VPS16: variants seen among roughly 807,000 people sequenced by gnomAD.
The protein encoded by VPS16 is vacuolar protein sorting-associated protein 16 homolog.
In VPS16, 82 loss-of-function variants were observed where a neutral mutation model predicts 116.0. The observed-to-expected ratio is 0.71, with a 90% CI of 0.59 to 0.85. The LOEUF is 0.85. Among genes scored for constraint, VPS16 ranks in the 40% least tolerant of loss-of-function variants. The probability of loss-of-function intolerance (pLI) is 0.00; values close to 1 mark genes in which losing one functional copy is unlikely to be tolerated. For missense variants in VPS16, 928 were observed against 1,090.6 expected (o/e 0.85, Z 2.10); for synonymous variants, 406 against 420.7 (o/e 0.96, Z 0.43).
chr20:2,850,949 G>A (rs890576113), intron 1 of VPS16, among the ~76,000 whole-genome samples: 7 of 130,836 alleles, frequency 5.4e-5, no homozygotes, highest in African/African-American at 1.8e-4. Context: ...GTAGCTGGGC[G>A]ATAGAGTAAG....
Position 2,840,750 on chromosome 20 carries a change from T to A in VPS16, c.-25T>A. On this transcript the variant is annotated 5_prime_UTR_variant, in exon 1 of 24. Transcript: ENST00000380445. The stretch of plus-strand genomic sequence containing the variant: ...CTCTAGGTGGGTGTCCCCTCGGTGC[T>A]TCCCAGCTGCCGTCTGCACCAGCCA... 9 of 1,547,790 alleles carry A rather than the reference T, an allele frequency of 5.8e-6. No homozygotes were observed. Among genetic ancestry groups the A allele is most frequent in the Non-Finnish European group, 7.9e-6 (9 of 1,146,358 alleles).
At chr20:2,856,921 T>C (rs1374529642) in intron 1 of VPS16, among the ~76,000 whole-genome samples, 1 of 152,184 alleles carries the variant, frequency 6.6e-6, no homozygotes, top group African/African-American at 2.4e-5. Flanking sequence ...TATTTTGTGG[T>C]ATTTCCTCTT....
intron 1 of VPS16, among the ~76,000 whole-genome samples, chr20:2,848,206 A>G (rs1004206838): frequency 6.6e-6 from 1 of 151,932 alleles, no homozygotes; most frequent in Non-Finnish European, 1.5e-5. Context: ...GCCTGCATTC[A>G]CTCACCACAA....
chr20:2,844,571 C>T (rs2089040021), intron 1 of VPS16, among the ~76,000 whole-genome samples: 1 of 152,198 alleles, frequency 6.6e-6, no homozygotes, highest in Admixed American at 6.5e-5. Context: ...AGCTTACAGC[C>T]AGCAGGCGAG....
At chr20:2,861,375 G>A in intron 8 of VPS16, 95 bp downstream of exon 8, 1 of 1,578,370 alleles carries the variant, frequency 6.3e-7, no homozygotes. Flanking sequence ...TACTGGCCAA[G>A]CCTAGTGGAG....
In VPS16 at chr20:2,864,860, A is replaced by T; in HGVS notation, c.1927-118A>T. On this transcript the variant is annotated intron_variant, in intron 19 of 23. Coordinates refer to ENST00000380445, the MANE Select transcript of VPS16 (RefSeq NM_022575.4). The surrounding 1 kb of genome is among the most constrained non-coding windows in gnomAD (Gnocchi z 5.2). The stretch of plus-strand genomic sequence containing the variant: ...AGGACATCAGAGTGGTGCACCTAGC[A>T]GGCAAGGCTGACCCTGGCGACCCTG... The T allele has an allele frequency of 1.5e-6, 2 of 1,368,094 alleles. No individual in the cohort carries two copies. The highest frequency in any genetic ancestry group is 4.7e-5 in the East Asian group (2 of 42,876). 84.7% of individuals were successfully genotyped at this position (1,368,094 alleles called of 1,614,324 possible).
At chr20:2,844,822 G>A (rs2089041983) in intron 1 of VPS16, among the ~76,000 whole-genome samples, 1 of 152,140 alleles carries the variant, frequency 6.6e-6, no homozygotes, top group East Asian at 1.9e-4. Context: ...CATGCACAGT[G>A]ACCTAAAGAG....
intron 1 of VPS16, among the ~76,000 whole-genome samples, chr20:2,847,821 A>G (rs1599976325): frequency 6.6e-6 from 1 of 151,776 alleles, no homozygotes; most frequent in East Asian, 1.9e-4. Flanking sequence ...CCGATACTCT[A>G]ATACCTCCCC....
At chr20:2,841,233 G>A (rs2088969418) in intron 1 of VPS16, 1 of 224,448 alleles carries the variant, frequency 4.5e-6, no homozygotes, top group Non-Finnish European at 8.9e-6. Context: ...GCTGGGAAAA[G>A]GGGGCGAGTC....
At chr20:2,852,516 A>G (rs1241437214) in intron 1 of VPS16, among the ~76,000 whole-genome samples, 2 of 152,280 alleles carry the variant, frequency 1.3e-5, no homozygotes, top group African/African-American at 4.8e-5. Flanking sequence ...TATGGGTTGT[A>G]AATTCAAATA....
rs1293228252 is a variant in VPS16 at position 2,864,093 on chromosome 20, C to T, written c.1611+10C>T. The T allele has an allele frequency of 1.2e-6, 2 of 1,613,480 alleles. No homozygotes were observed. The highest frequency in any genetic ancestry group is 1.7e-6 in the Non-Finnish European group (2 of 1,179,604). On this transcript the variant is annotated intron_variant, in intron 16 of 23. Transcript: ENST00000380445. This position sits in a 1 kb window ranked among gnomAD's most constrained non-coding sequence, Gnocchi z 5.2. ...GGAGCTGGCCATCAAGGTGTGGGTG[C>T]CCAGCCCTCCACAGACACTCTGATG...
Position 2,860,823 on chromosome 20 carries a change from C to T in VPS16, c.590C>T (p.Pro197Leu), listed in dbSNP as rs1157872555. The T allele has an allele frequency of 6.2e-7, 1 of 1,614,140 alleles. No individual in the cohort carries two copies. The highest frequency in any genetic ancestry group is 8.5e-7 in the Non-Finnish European group (1 of 1,180,044). ...GCACACATTCTTCTGGCTGTGGGGC[C>T]TGACCTTTACCTCTTGGACCATGCA... ...RVAHILLAVGPDLYLLDHAAC... is the reference protein window; with the variant it reads ...RVAHILLAVGLDLYLLDHAAC... The change falls in exon 6 of 24, where the codon CCT (proline) becomes CTT (leucine). Residue 197 changes from proline (P) to leucine (L), a missense_variant. Coordinates refer to ENST00000380445, the MANE Select transcript of VPS16 (RefSeq NM_022575.4). This position sits in a 1 kb window ranked among gnomAD's most constrained non-coding sequence, Gnocchi z 6.1.
chr20:2,853,282 AG>A, intron 1 of VPS16, among the ~76,000 whole-genome samples: 1 of 152,194 alleles, frequency 6.6e-6, no homozygotes, highest in Middle Eastern at 3.4e-3. Context: ...TCCCAGCTAC[AG>A]GAAGCCTAGG....
chr20:2,857,235 C>A (rs542683024), intron 1 of VPS16, among the ~76,000 whole-genome samples: 4 of 152,274 alleles, frequency 2.6e-5, no homozygotes, highest in Admixed American at 6.5e-5. Context: ...CCTTGGCCTC[C>A]GAAAGTGCTG....
Position 2,863,191 on chromosome 20 carries a change from T to A in VPS16, c.1367+91T>A. On this transcript the variant is annotated intron_variant, in intron 14 of 23. Transcript: ENST00000380445. The surrounding 1 kb of genome is among the most constrained non-coding windows in gnomAD (Gnocchi z 4.4). ...GGTCTTATGGTCACTGCTCCTGACC[T>A]ATCTAGGATGTGGGAGGCCTGATGT... is the stretch of plus-strand genomic sequence containing the variant. 1 of 1,609,928 alleles carries A rather than the reference T, an allele frequency of 6.2e-7. No homozygotes were observed. Among genetic ancestry groups the A allele is most frequent in the Admixed American group, 1.7e-5 (1 of 59,954 alleles).
chr20:2,854,265 A>ACACACACACACACACACACAC (rs375390884), intron 1 of VPS16, among the ~76,000 whole-genome samples: 22 of 148,988 alleles, frequency 1.5e-4, no homozygotes, highest in African/African-American at 2.3e-4. Flanking sequence ...ACACACACAC[A>ACACACACACACACACACACAC]AATTTTTTAG....
At chr20:2,842,648 A>ATGTATCTATC in intron 1 of VPS16, among the ~76,000 whole-genome samples, 6 of 146,022 alleles carry the variant, frequency 4.1e-5, no homozygotes, top group African/African-American at 1.0e-4. Flanking sequence ...AGATAGATAG[A>ATGTATCTATC]TATAGATAGA....
intron 13 of VPS16, 40 bp downstream of exon 13, chr20:2,862,974 G>A (rs930144339): frequency 1.9e-6 from 3 of 1,613,660 alleles, no homozygotes; most frequent in African/African-American, 2.7e-5. Context: ...TACAGCCAGG[G>A]GTGGCAGGGG....
At position 2,861,615 on chromosome 20, in the gene VPS16, G is replaced by T; in HGVS notation, c.810G>T (p.Trp270Cys). The change falls in exon 9 of 24, where the codon TGG becomes TGT. Residue 270 changes from tryptophan (W) to cysteine (C), a missense_variant and splice_region_variant. Transcript: ENST00000380445. ...GCCAGTGTGTATATGCTGCTCACAG[G>T]TGCAGCCGTCCTCGTAGCAAGGAGA... is the stretch of plus-strand genomic sequence containing the variant. Reference protein sequence around the residue: ...NIRAPPKQMVWCSRPRSKERA... With the variant: ...NIRAPPKQMVCCSRPRSKERA... 6.2e-7 allele frequency: 1 copy of T among 1,609,134 alleles called. No homozygotes were observed. Among genetic ancestry groups the T allele is most frequent in the African/African-American group, 1.3e-5 (1 of 74,996 alleles).
Sources: gnomAD v4.1 joint callset for allele counts (sites outside exome capture counted in the v4.1 genomes callset) on GRCh38, gnomAD v4.1.1 for gene constraint, Gnocchi (gnomAD v3.1) non-coding constraint, MANE v1.5 for transcripts, NCBI Gene and HGNC (gene_info 2026-07-23, HGNC 2026-07-21) for gene names.